The following FSD1 variants were observed in gnomAD, a reference collection of about 807,000 sequenced individuals.
FSD1 encodes the protein fibronectin type III and SPRY domain-containing protein 1.
Under a neutral mutation model 58.2 loss-of-function variants are expected in FSD1, and 23 were observed. The observed-to-expected ratio is 0.40, with a 90% confidence interval of 0.28 to 0.56. The LOEUF is 0.56. Ranked by LOEUF, FSD1 falls within the 20% of genes least tolerant of loss-of-function variation. The pLI is 0.54. For synonymous variants in FSD1, 265 were observed against 263.4 expected (o/e 1.01, Z -0.06); for missense variants, 563 against 670.8 (o/e 0.84, Z 1.78).
intron 5 of FSD1, 35 bp downstream of exon 5, chr19:4,310,330 C>T (rs11879976): frequency 0.15 from 235,335 of 1,613,100 alleles, 18,151 homozygotes; most frequent in South Asian, 0.2. Context: ...ACCCCACTAC[C>T]CTGCCCCTGG....
chr19:4,323,389 C>T lies in FSD1; in HGVS notation c.1333C>T (p.His445Tyr). 6.2e-7 allele frequency: 1 copy of T among 1,613,960 alleles called. No individual in the cohort carries two copies. Among genetic ancestry groups the T allele is most frequent in the South Asian group, 1.1e-5 (1 of 91,072 alleles). Residue 445 changes from histidine (H) to tyrosine (Y), a missense_variant, in exon 12 of 13, where the codon CAC becomes TAC. Coordinates refer to ENST00000221856, the MANE Select transcript of FSD1 (RefSeq NM_024333.3). The surrounding 1 kb of genome is among the most constrained non-coding windows in gnomAD (Gnocchi z 7.7). ...FYNARTKQVL[H>Y]TFKTRFTQPL... is the part of the protein sequence containing the mutation. Reference sequence around the variant, plus strand: ...CAATGCCCGCACCAAACAAGTGCTGCACACTTTCAAGACCAGGTTCACACA... The same window carrying T: ...CAATGCCCGCACCAAACAAGTGCTGTACACTTTCAAGACCAGGTTCACACA...
intron 7 of FSD1, among the ~76,000 whole-genome samples, chr19:4,315,810 C>T (rs903207936): frequency 1.3e-5 from 2 of 151,686 alleles, no homozygotes; most frequent in Non-Finnish European, 2.9e-5. Context: ...CGGGGTTTCA[C>T]CTTATTGGCG....
At position 4,318,380 on chromosome 19, in the gene FSD1, C is replaced by T; in HGVS notation, c.834C>T (p.His278=). 2 of 1,613,946 alleles carry T rather than the reference C, an allele frequency of 1.2e-6. No individual in the cohort carries two copies. The highest frequency in any genetic ancestry group is 2.2e-5 in the South Asian group (2 of 91,078). ...FMFRLDASTS[H]QNLRVDDLSV... is the part of the protein sequence containing the mutation. ...TCCGCCTGGATGCGTCCACATCCCACCAGAACCTGCGGGTGGATGATCTCT... is the reference window on the plus strand; with the variant it reads ...TCCGCCTGGATGCGTCCACATCCCATCAGAACCTGCGGGTGGATGATCTCT... The change falls in exon 9 of 13, where the codon CAC becomes CAT. Residue 278 remains histidine (H), a synonymous_variant. Coordinates refer to ENST00000221856, the MANE Select transcript of FSD1 (RefSeq NM_024333.3).
chr19:4,312,761 C>T (rs574781192), intron 7 of FSD1, among the ~76,000 whole-genome samples: 38 of 151,524 alleles, frequency 2.5e-4, no homozygotes, highest in African/African-American at 9.2e-4. Context: ...GCCTAGATTG[C>T]GCCACTGCAC....
At chr19:4,307,674 T>C (rs376780486) in intron 3 of FSD1, among the ~76,000 whole-genome samples, 16 of 152,006 alleles carry the variant, frequency 1.1e-4, no homozygotes, top group African/African-American at 3.9e-4. Flanking sequence ...CGGCCTTACG[T>C]GTTTTTAGGG....
intron 8 of FSD1, among the ~76,000 whole-genome samples, chr19:4,317,801 G>A (rs911301715): frequency 4.6e-5 from 7 of 152,144 alleles, no homozygotes; most frequent in Non-Finnish European, 7.4e-5. Context: ...GGCGGATCAC[G>A]AGGTCAGGAG....
At position 4,304,742 on chromosome 19, in the gene FSD1, C is replaced by T. The variant is rs1181316240; in HGVS notation, c.-5C>T. The stretch of plus-strand genomic sequence containing the variant: ...GGCCGGGCCGGGGTGACCTGGGCTG[C>T]AGCCATGGAAGAACAGAGGGTAGGA... On this transcript the variant is annotated 5_prime_UTR_variant, in exon 1 of 13. Transcript: ENST00000221856. The T allele has an allele frequency of 1.7e-6, 2 of 1,207,800 alleles. No homozygotes were observed. The highest frequency in any genetic ancestry group is 1.6e-5 in the African/African-American group (1 of 62,000). 74.8% of individuals were successfully genotyped at this position (1,207,800 alleles called of 1,614,324 possible).
At chr19:4,318,145 CCTT>C (rs1248339929) in intron 8 of FSD1, among the ~76,000 whole-genome samples, 198 bp from the exon 9 acceptor site, 1 of 151,588 alleles carries the variant, frequency 6.6e-6, no homozygotes, top group Non-Finnish European at 1.5e-5. Flanking sequence ...CTCCTGTTGT[CCTT>C]CTGCTTGTCC....
chr19:4,320,103 C>T (rs1395753749), intron 10 of FSD1, among the ~76,000 whole-genome samples: 1 of 152,042 alleles, frequency 6.6e-6, no homozygotes, highest in Admixed American at 6.6e-5. Flanking sequence ...CACCTGGATT[C>T]CAGGAGGAGC....
At chr19:4,321,051 G>C (rs1000871870) in intron 10 of FSD1, among the ~76,000 whole-genome samples, 1 of 149,260 alleles carries the variant, frequency 6.7e-6, no homozygotes, top group African/African-American at 2.5e-5. Flanking sequence ...GGAATCGCTG[G>C]GACTGGGGAG....
intron 7 of FSD1, among the ~76,000 whole-genome samples, chr19:4,313,444 G>C (rs1486101802): frequency 7.2e-6 from 1 of 138,160 alleles, no homozygotes; most frequent in Non-Finnish European, 1.6e-5. Flanking sequence ...CCTGGGCCGG[G>C]CGTGGTGGCT....
chr19:4,306,421 C>A, intron 3 of FSD1, 92 bp downstream of exon 3: 1 of 1,341,248 alleles, frequency 7.5e-7, no homozygotes, highest in Non-Finnish European at 1.0e-6. Context: ...ACTGGGTGCT[C>A]TCGAGTTTCT....
At position 4,312,807 on chromosome 19, in the gene FSD1, AAAATAAAT is replaced by A. The variant is rs377254722; in HGVS notation, c.700+783_700+790del. Among the ~76,000 whole-genome samples the A allele has an allele frequency of 7.6e-3, 1,124 of 148,806 alleles. 13 individuals carry two copies. The highest frequency in any genetic ancestry group is 0.027 in the African/African-American group (1,055 of 39,348). ...GCGACAGAGCAAGACTCCGTCTCAA[AAAATAAAT>A]AAATAAATAAATAAATAAATAAATA... On this transcript the variant is annotated intron_variant, in intron 7 of 12. Coordinates refer to ENST00000221856, the MANE Select transcript of FSD1 (RefSeq NM_024333.3).
At chr19:4,308,789 C>T (rs560014746) in intron 4 of FSD1, among the ~76,000 whole-genome samples, 6 of 151,684 alleles carry the variant, frequency 4.0e-5, no homozygotes, top group South Asian at 4.2e-4. Context: ...ACTCGGGAGG[C>T]GGAGCTTGCA....
At chr19:4,321,476 G>T (rs1482433029) in intron 10 of FSD1, among the ~76,000 whole-genome samples, 1 of 142,096 alleles carries the variant, frequency 7.0e-6, no homozygotes, top group Non-Finnish European at 1.5e-5. Context: ...GAATAGCTGG[G>T]ACTGAGGAGT....
rs759753782 is a variant in FSD1 at position 4,323,190 on chromosome 19, A to G, written c.1244A>G (p.Asp415Gly). ...AKHANKVKVL[D>G]APVPDCLGVH... ...CACGCCAACAAGGTCAAGGTGCTGG[A>G]CGCCCCCGTGCCCGACTGCCTGGGT... The change falls in exon 11 of 13, where the codon GAC (aspartate) becomes GGC (glycine). Residue 415 changes from aspartate to glycine, a missense_variant. Coordinates refer to ENST00000221856, the MANE Select transcript of FSD1 (RefSeq NM_024333.3). The surrounding 1 kb of genome is among the most constrained non-coding windows in gnomAD (Gnocchi z 7.7). 2.5e-6 allele frequency: 4 copies of G among 1,604,720 alleles called. No individual in the cohort carries two copies. The highest frequency in any genetic ancestry group is 2.2e-5 in the South Asian group (2 of 91,080).
intron 1 of FSD1, among the ~76,000 whole-genome samples, chr19:4,305,650 A>G (rs940227317): frequency 1.3e-5 from 2 of 152,112 alleles, no homozygotes; most frequent in Admixed American, 1.3e-4. Flanking sequence ...GGTGAATTGT[A>G]TCAGCCCGGA....
At chr19:4,322,139 A>G (rs1971826047) in intron 10 of FSD1, among the ~76,000 whole-genome samples, 1 of 148,578 alleles carries the variant, frequency 6.7e-6, no homozygotes, top group Non-Finnish European at 1.5e-5. Context: ...TGGGTCCCCA[A>G]GAAGTATCTG....
At chr19:4,308,692 A>G (rs1971652991) in intron 4 of FSD1, among the ~76,000 whole-genome samples, 1 of 152,012 alleles carries the variant, frequency 6.6e-6, no homozygotes, top group African/African-American at 2.4e-5. Context: ...TCTCTACTAA[A>G]AAAAAATACA....
Sources: allele counts gnomAD v4.1 joint callset (sites outside exome capture counted in the v4.1 genomes callset), GRCh38; gene constraint gnomAD v4.1.1; non-coding constraint Gnocchi (gnomAD v3.1); transcripts MANE v1.5; gene names NCBI Gene and HGNC (gene_info 2026-07-23, HGNC 2026-07-21).